SH3GL3: variants seen among roughly 807,000 people sequenced by gnomAD.
SH3GL3 encodes SH3 domain containing GRB2 like 3, endophilin A3.
A neutral mutation model predicts 47.7 loss-of-function variants in SH3GL3; 33 were observed. The ratio of observed to expected loss-of-function variants is 0.69; its 90% CI spans 0.52 to 0.92. SH3GL3 has a LOEUF of 0.92. SH3GL3 is among the 40% of genes least tolerant of loss of function. The pLI is 0.00. For missense variants in SH3GL3, 363 were observed against 417.8 expected (o/e 0.87, Z 1.14); for synonymous variants, 155 against 148.8 (o/e 1.04, Z -0.30).
rs536596192 is a variant in SH3GL3, at chr15:83,476,868, A to G, written c.45+29290A>G. 3.9e-4 allele frequency among the ~76,000 whole-genome samples: 60 copies of G among 152,346 alleles called. 4 individuals are homozygous for G. Among genetic ancestry groups the G allele is most frequent in the Non-Finnish European group, 1.2e-4 (8 of 68,040 alleles). Reference sequence around the variant, plus strand: ...GGGCAATTGAAGTATGGCGGTATGCATGTTTCTGAAGCCCTGGATAGAACA... The same window carrying G: ...GGGCAATTGAAGTATGGCGGTATGCGTGTTTCTGAAGCCCTGGATAGAACA... On this transcript the variant is annotated intron_variant, in intron 1 of 8. Coordinates refer to ENST00000427482, the MANE Select transcript of SH3GL3 (RefSeq NM_003027.5).
At chr15:83,494,187 G>A (rs2151589561) in intron 1 of SH3GL3, among the ~76,000 whole-genome samples, 1 of 152,326 alleles carries the variant, frequency 6.6e-6, no homozygotes, top group African/African-American at 2.4e-5. Flanking sequence ...GCTTGCCACA[G>A]GTATGCCAGG....
At chr15:83,609,429 T>G (rs1467864970) in intron 8 of SH3GL3, 1 of 414,416 alleles carries the variant, frequency 2.4e-6, no homozygotes, top group Non-Finnish European at 4.8e-6. Context: ...GACACAGCAG[T>G]CTGGGGGATT....
intron 1 of SH3GL3, among the ~76,000 whole-genome samples, chr15:83,525,316 T>G (rs2043370327): frequency 6.6e-6 from 1 of 151,546 alleles, no homozygotes; most frequent in South Asian, 2.1e-4. Context: ...GAGAAATGTC[T>G]ATTCAATATG....
At chr15:83,460,406 C>G (rs2040234759) in intron 1 of SH3GL3, among the ~76,000 whole-genome samples, 1 of 151,996 alleles carries the variant, frequency 6.6e-6, no homozygotes, top group African/African-American at 2.4e-5. Flanking sequence ...GTGGTATATA[C>G]TCATGACCTT....
chr15:83,565,186 A>G lies in SH3GL3; in HGVS notation c.167A>G (p.Glu56Gly). The G allele has an allele frequency of 6.3e-7, 1 of 1,581,444 alleles. No homozygotes were observed. The highest frequency in any genetic ancestry group is 8.7e-7 in the Non-Finnish European group (1 of 1,153,344). The change falls in exon 3 of 9, where the codon GAA becomes GGA. Residue 56 changes from glutamate (E) to glycine (G), a missense_variant. Physicochemically the swap from Glu to Gly is moderately conservative, Grantham distance 98. Coordinates refer to ENST00000427482, the MANE Select transcript of SH3GL3 (RefSeq NM_003027.5). ...GCAGAAATTCTTTCAAAAACCACTG[A>G]ATATCTTCAGCCAAATCCAGGTAAA... ...VVAEILSKTTEYLQPNPAYRA... is the reference protein window; with the variant it reads ...VVAEILSKTTGYLQPNPAYRA...
chr15:83,567,815 A>C (rs182348651), intron 3 of SH3GL3, among the ~76,000 whole-genome samples: 1 of 152,242 alleles, frequency 6.6e-6, no homozygotes, highest in Non-Finnish European at 1.5e-5. Context: ...AACAAACAAA[A>C]AGCATGTCAG....
intron 4 of SH3GL3, among the ~76,000 whole-genome samples, chr15:83,568,999 C>T (rs937297327): frequency 6.6e-6 from 1 of 150,710 alleles, no homozygotes. Context: ...CAGGTTCAAA[C>T]GATTCTCGTG....
intron 1 of SH3GL3, among the ~76,000 whole-genome samples, chr15:83,516,465 A>T (rs2151640929): frequency 6.6e-6 from 1 of 152,318 alleles, no homozygotes; most frequent in Middle Eastern, 3.4e-3. Flanking sequence ...TGGGTAATTT[A>T]TAAGAAAAGA....
intron 1 of SH3GL3, among the ~76,000 whole-genome samples, chr15:83,519,963 C>T (rs2043138012): frequency 6.6e-6 from 1 of 152,144 alleles, no homozygotes; most frequent in Non-Finnish European, 1.5e-5. Context: ...ACAAGTTAGC[C>T]TGCCTTAGTG....
intron 1 of SH3GL3, among the ~76,000 whole-genome samples, chr15:83,457,905 T>C (rs1243106478): frequency 6.6e-6 from 1 of 152,226 alleles, no homozygotes; most frequent in Non-Finnish European, 1.5e-5. Context: ...TAACTCATGG[T>C]ATCACTTGGA....
chr15:83,539,753 G>A (rs1375065540), intron 1 of SH3GL3, among the ~76,000 whole-genome samples: 1 of 152,068 alleles, frequency 6.6e-6, no homozygotes, highest in African/African-American at 2.4e-5. Context: ...TTGAGAGTTA[G>A]TATTTTGGGG....
At chr15:83,554,484 C>A (rs1367705896) in intron 1 of SH3GL3, among the ~76,000 whole-genome samples, 3 of 152,084 alleles carry the variant, frequency 2.0e-5, no homozygotes, top group Non-Finnish European at 2.9e-5. Flanking sequence ...CTGCACCCAG[C>A]CTTGCTCTTA....
At chr15:83,459,363 C>G (rs2040159860) in intron 1 of SH3GL3, among the ~76,000 whole-genome samples, 1 of 152,158 alleles carries the variant, frequency 6.6e-6, no homozygotes. Context: ...AGTTGACACT[C>G]AACGTTAGCC....
Position 83,536,824 on chromosome 15 carries a change from T to C in SH3GL3, c.46-22429T>C, listed in dbSNP as rs1176775436. Among the ~76,000 whole-genome samples the C allele has an allele frequency of 2.0e-5, 3 of 152,218 alleles. No individual in the cohort carries two copies. The East Asian group carries it at 5.8e-4, about 29-fold the overall frequency. ...GTGCATATGAAATCGTCTCAAATTT[T>C]CCTATTAGGTATTAATGAAAACTTT... On this transcript the variant is annotated intron_variant, in intron 1 of 8. Coordinates refer to ENST00000427482, the MANE Select transcript of SH3GL3 (RefSeq NM_003027.5).
chr15:83,490,876 A>T, intron 1 of SH3GL3: 1 of 1,614,216 alleles, frequency 6.2e-7, no homozygotes, highest in Non-Finnish European at 8.5e-7. Context: ...TCAAGCTAAT[A>T]GGTGCCTTAC....
At chr15:83,508,133 G>T (rs2042589652) in intron 1 of SH3GL3, among the ~76,000 whole-genome samples, 1 of 151,922 alleles carries the variant, frequency 6.6e-6, no homozygotes, top group African/African-American at 2.4e-5. Flanking sequence ...GTAGAGACGG[G>T]GTTTCACCAT....
intron 1 of SH3GL3, among the ~76,000 whole-genome samples, chr15:83,487,678 C>T (rs2041668360): frequency 6.6e-6 from 1 of 152,054 alleles, no homozygotes; most frequent in Admixed American, 6.5e-5. Context: ...GATACACTGG[C>T]CATTTGCAGT....
intron 8 of SH3GL3, among the ~76,000 whole-genome samples, chr15:83,597,049 C>G (rs1434973674): frequency 6.6e-6 from 1 of 152,202 alleles, no homozygotes; most frequent in Non-Finnish European, 1.5e-5. Context: ...TGAAATACCA[C>G]AAACTGTGTG....
chr15:83,526,838 C>T (rs936421262), intron 1 of SH3GL3, among the ~76,000 whole-genome samples: 1 of 152,158 alleles, frequency 6.6e-6, no homozygotes, highest in East Asian at 1.9e-4. Context: ...ATTAATTCTT[C>T]TAACTCATGA....
Sources: gnomAD v4.1 joint callset for allele counts (sites outside exome capture counted in the v4.1 genomes callset) on GRCh38, gnomAD v4.1.1 for gene constraint, MANE v1.5 for transcripts, NCBI Gene and HGNC (gene_info 2026-07-23, HGNC 2026-07-21) for gene names.